CS: variants seen among roughly 807,000 people sequenced by gnomAD.
The protein encoded by CS is citrate synthase, mitochondrial.
In CS, 13 loss-of-function variants were observed where a neutral mutation model predicts 61.4. The ratio of observed to expected loss-of-function variants is 0.21; its 90% confidence interval spans 0.14 to 0.34. CS has a LOEUF of 0.34. CS is among the 10% of genes least tolerant of loss of function. The pLI, the probability that CS is intolerant of heterozygous loss-of-function variation, is 1.00. For missense variants in CS, 278 were observed against 573.4 expected (o/e 0.48, Z 5.26); for synonymous variants, 159 against 215.2 (o/e 0.74, Z 2.29).
intron 6 of CS, among the ~76,000 whole-genome samples, chr12:56,281,233 T>C (rs566010799): frequency 5.9e-5 from 9 of 152,254 alleles, no homozygotes; most frequent in Non-Finnish European, 1.2e-4. Context: ...CCTGTAAACC[T>C]AGCCAGATCA....
intron 1 of CS, among the ~76,000 whole-genome samples, chr12:56,289,888 C>G (rs1466099482): frequency 6.6e-6 from 1 of 151,986 alleles, no homozygotes; most frequent in Non-Finnish European, 1.5e-5. Flanking sequence ...CTGCAACCAG[C>G]TGACTTTCTG....
chr12:56,285,423 CA>C (rs1294200121), intron 3 of CS, among the ~76,000 whole-genome samples: 3 of 152,142 alleles, frequency 2.0e-5, no homozygotes, highest in Non-Finnish European at 4.4e-5. Context: ...GCTGGGACTA[CA>C]GGGGCATCCC....
intron 3 of CS, 124 bp from the exon 4 acceptor site, chr12:56,283,981 A>G: frequency 2.8e-6 from 2 of 709,242 alleles, no homozygotes; most frequent in South Asian, 3.3e-5. Context: ...CAGACTTGTA[A>G]GACTTCATTT....
rs1872524529 is a variant in CS at position 56,271,724 on chromosome 12, G to A, written c.*1360C>T. ...CATTGTTAATAAAAACATTTATTTTGCATTTTATACAGAACAACCTGAAGT... is the reference window on the plus strand; with the variant it reads ...CATTGTTAATAAAAACATTTATTTTACATTTTATACAGAACAACCTGAAGT... On this transcript the variant is annotated 3_prime_UTR_variant, in exon 11 of 11. Coordinates refer to ENST00000351328, the MANE Select transcript of CS (RefSeq NM_004077.3). The A allele has an allele frequency of 3.3e-6, 1 of 303,922 alleles. No individual in the cohort carries two copies. The allele number at this position is 303,922 out of a possible 1,614,324, so 18.8% of individuals were successfully genotyped here.
chr12:56,292,962 C>T (rs1299668828), intron 1 of CS, among the ~76,000 whole-genome samples: 1 of 151,844 alleles, frequency 6.6e-6, no homozygotes, highest in Non-Finnish European at 1.5e-5. Context: ...TGTTCAAGTG[C>T]TATTTCTTTA....
chr12:56,273,868 C>T, intron 9 of CS, 72 bp from the exon 10 acceptor site: 1 of 1,344,518 alleles, frequency 7.4e-7, no homozygotes, highest in Admixed American at 1.7e-5. Flanking sequence ...GGATCTCACT[C>T]TGTCACCCAG....
At chr12:56,296,227 G>A (rs1035970644) in intron 1 of CS, among the ~76,000 whole-genome samples, 2 of 152,138 alleles carry the variant, frequency 1.3e-5, no homozygotes, top group Admixed American at 6.6e-5. Flanking sequence ...TTGGGAAGCT[G>A]AGACTGGTGG....
rs1873434320 is a variant in CS, at chr12:56,300,004, C to T, written c.42+156G>A. On this transcript the variant is annotated intron_variant, in intron 1 of 10. Coordinates refer to ENST00000351328, the MANE Select transcript of CS (RefSeq NM_004077.3). ...CAGAAGGGAAGCGCGGCACATGGTC[C>T]TGTAGCTTCACGCAGGGCTGGCGGC... 4.5e-6 allele frequency: 3 copies of T among 671,098 alleles called. No individual in the cohort carries two copies. The South Asian group carries it at 5.9e-5, about 13-fold the overall frequency. The allele number at this position is 671,098 out of a possible 1,614,324, so 41.6% of individuals were successfully genotyped here.
chr12:56,294,276 C>T (rs1873224713), intron 1 of CS, among the ~76,000 whole-genome samples: 1 of 151,844 alleles, frequency 6.6e-6, no homozygotes, highest in South Asian at 2.1e-4. Context: ...GGGTTCAAGA[C>T]CAGTCTGGCC....
chr12:56,278,194 G>C (rs996950738), intron 6 of CS, among the ~76,000 whole-genome samples: 6 of 152,062 alleles, frequency 3.9e-5, no homozygotes, highest in Non-Finnish European at 7.4e-5. Context: ...GCAATGGTGC[G>C]ATCTCAGCTC....
chr12:56,293,209 C>T (rs1192638118), intron 1 of CS, among the ~76,000 whole-genome samples: 1 of 152,194 alleles, frequency 6.6e-6, no homozygotes, highest in African/African-American at 2.4e-5. Context: ...GCACCCTCAC[C>T]CTACAGTCAA....
rs544119115 is a variant in CS at position 56,284,948 on chromosome 12, CT to C, written c.201+967del. Among the ~76,000 whole-genome samples, 352 of 140,536 alleles carry C rather than the reference CT, an allele frequency of 2.5e-3. 1 individual carries two copies. The highest frequency in any genetic ancestry group is 7.3e-3 in the East Asian group (35 of 4,764). 92.2% of individuals were successfully genotyped at this position (140,536 alleles called of 152,430 possible). On this transcript the variant is annotated intron_variant, in intron 3 of 10. Transcript: ENST00000351328. ...TGCCAGCCATGTTGCCAAGGCTGAT[CT>C]TTTTTTTTTTCCCCCCAGATGGAGT... is the stretch of plus-strand genomic sequence containing the variant.
chr12:56,280,261 A>G (rs543531628), intron 6 of CS, among the ~76,000 whole-genome samples: 72 of 151,752 alleles, frequency 4.7e-4, no homozygotes, highest in African/African-American at 1.7e-3. Flanking sequence ...TAAAAATACA[A>G]AAAGTTAGCT....
At chr12:56,290,212 G>T (rs1218834254) in intron 1 of CS, among the ~76,000 whole-genome samples, 28 of 151,078 alleles carry the variant, frequency 1.9e-4, no homozygotes, top group South Asian at 1.0e-3. Context: ...ATGTTTTTTT[G>T]TTTGTTTGTT....
intron 3 of CS, chr12:56,285,015 G>GCTCACTGCAACCTCTGCCTC (rs1872899689): frequency 6.2e-6 from 1 of 160,518 alleles, no homozygotes; most frequent in Non-Finnish European, 1.4e-5. Context: ...TGCAATCTCA[G>GCTCACTGCAACCTCTGCCTC]CTCACTGCAA....
At position 56,271,825 on chromosome 12, in the gene CS, C is replaced by T. The variant is rs1872526499; in HGVS notation, c.*1259G>A. The stretch of plus-strand genomic sequence containing the variant: ...ACAGTGTGGTTCTGGGACTGGGTAT[C>T]CACACAAACACAGGCAGGAGTTTGG... On this transcript the variant is annotated 3_prime_UTR_variant, in exon 11 of 11. Transcript: ENST00000351328. The T allele has an allele frequency of 6.6e-6, 3 of 455,766 alleles. No individual in the cohort carries two copies. Among genetic ancestry groups the T allele is most frequent in the Non-Finnish European group, 1.3e-5 (3 of 226,434 alleles). The allele number at this position is 455,766 out of a possible 1,614,324, so 28.2% of individuals were successfully genotyped here. A position where few individuals can be genotyped will look rare whatever the true frequency, so the allele number is the denominator to read the frequency against.
chr12:56,281,460 T>C (rs1402641623), intron 6 of CS, among the ~76,000 whole-genome samples: 1 of 152,156 alleles, frequency 6.6e-6, no homozygotes, highest in Non-Finnish European at 1.5e-5. Flanking sequence ...TCCTGATGGG[T>C]ATCTTAGGTT....
Position 56,289,979 on chromosome 12 carries a change from C to T in CS, c.43-3334G>A, listed in dbSNP as rs144228442. On this transcript the variant is annotated intron_variant, in intron 1 of 10. Coordinates refer to ENST00000351328, the MANE Select transcript of CS (RefSeq NM_004077.3). ...CTTGATCTTGGCTCACTGCAACCTC[C>T]GCCTCCCAGGTTCAAGCGATTCTCC... 4.2e-3 allele frequency among the ~76,000 whole-genome samples: 637 copies of T among 152,020 alleles called. 4 individuals carry two copies. The highest frequency in any genetic ancestry group is 6.8e-3 in the Middle Eastern group (2 of 294).
intron 1 of CS, among the ~76,000 whole-genome samples, chr12:56,297,993 C>G (rs184186483): frequency 2.6e-5 from 4 of 151,994 alleles, no homozygotes; most frequent in South Asian, 4.2e-4. Context: ...TTTGCTACCC[C>G]CCCCGCCCTT....
Sources: gnomAD v4.1 joint callset for allele counts (sites outside exome capture counted in the v4.1 genomes callset) on GRCh38, gnomAD v4.1.1 for gene constraint, MANE v1.5 for transcripts, NCBI Gene and HGNC (gene_info 2026-07-23, HGNC 2026-07-21) for gene names.